Variants in TENM3 observed in about 807,000 individuals in gnomAD.
TENM3 encodes the protein teneurin transmembrane protein 3, also known as teneurin-3.
A neutral mutation model predicts 255.1 loss-of-function variants in TENM3; 63 were observed. The ratio of observed to expected loss-of-function variants is 0.25; its 90% CI spans 0.20 to 0.30. TENM3 has a LOEUF of 0.30. Among genes scored for constraint, TENM3 ranks in the 10% least tolerant of loss-of-function variants. The pLI, the probability that TENM3 is intolerant of heterozygous loss-of-function variation, is 1.00. For missense variants in TENM3, 2,929 were observed against 3,461.1 expected, an observed-to-expected ratio of 0.85 and a Z score of 3.86; for synonymous variants, 1,306 against 1,322.3, an observed-to-expected ratio of 0.99 and a Z score of 0.27.
At chr4:181,928,308 A>C in the TENM3 span, among the ~76,000 whole-genome samples, 4 of 152,012 alleles carry the variant, frequency 2.6e-5, no homozygotes, top group African/African-American at 9.7e-5. Context: ...AATGTTAACT[A>C]GAATAACCAG....
intron 3 of TENM3, among the ~76,000 whole-genome samples, chr4:182,471,680 GCTTTTA>G (rs1292987267): frequency 6.6e-6 from 1 of 151,668 alleles, no homozygotes; most frequent in African/African-American, 2.4e-5. Flanking sequence ...ATGTATAAAT[GCTTTTA>G]CTTATAAAGT....
chr4:182,767,631 C>T (rs371533492), intron 22 of TENM3, among the ~76,000 whole-genome samples: 8 of 152,016 alleles, frequency 5.3e-5, no homozygotes, highest in African/African-American at 1.5e-4. Flanking sequence ...ATATACACTA[C>T]GTATACTATA....
chr4:181,760,969 T>TACAC, the TENM3 span, among the ~76,000 whole-genome samples: 2,146 of 50,616 alleles, frequency 0.042, 59 homozygotes, highest in African/African-American at 0.14. Context: ...ACCACACACA[T>TACAC]ACACACACAC....
At chr4:182,342,691 G>T (rs1561343112) in intron 2 of TENM3, among the ~76,000 whole-genome samples, 1 of 152,220 alleles carries the variant, frequency 6.6e-6, no homozygotes, top group East Asian at 1.9e-4. Flanking sequence ...GACCAAGAGA[G>T]AAGGAGAGAA....
At chr4:182,417,237 T>C (rs1294136203) in intron 3 of TENM3, among the ~76,000 whole-genome samples, 3 of 151,882 alleles carry the variant, frequency 2.0e-5, no homozygotes, top group Admixed American at 6.6e-5. Flanking sequence ...CGGCCTCCCA[T>C]AGTGCTGGGA....
chr4:182,787,717 A>G (rs1765784792), intron 24 of TENM3, among the ~76,000 whole-genome samples: 1 of 145,898 alleles, frequency 6.9e-6, no homozygotes, highest in Non-Finnish European at 1.5e-5. Context: ...CCTGGGCGAC[A>G]AGGGCAAAAC....
chr4:182,714,244 C>T lies in TENM3; in HGVS notation c.2368+11C>T, dbSNP rs747105962. On this transcript the variant is annotated intron_variant, in intron 13 of 27. Coordinates refer to ENST00000511685, the MANE Select transcript of TENM3 (RefSeq NM_001080477.4). ...AGGACAATGAAGGAGGTAAGAAATA[C>T]TGAGCATGAACACGAGTCTGTGCCA... The T allele has an allele frequency of 2.6e-6, 4 of 1,563,760 alleles. No individual in the cohort carries two copies. The highest frequency in any genetic ancestry group is 3.5e-6 in the Non-Finnish European group (4 of 1,154,070).
the TENM3 span, among the ~76,000 whole-genome samples, chr4:182,043,585 A>G: frequency 6.6e-6 from 1 of 152,210 alleles, no homozygotes; most frequent in South Asian, 2.1e-4. Context: ...TACACTGTGA[A>G]AAACCTATCT....
At chr4:181,872,508 G>T in the TENM3 span, among the ~76,000 whole-genome samples, 1 of 151,744 alleles carries the variant, frequency 6.6e-6, no homozygotes, top group African/African-American at 2.4e-5. Flanking sequence ...AGTGTGTGTT[G>T]TTCCCCTCTA....
intron 13 of TENM3, among the ~76,000 whole-genome samples, chr4:182,724,118 T>A (rs774711892): frequency 2.8e-4 from 42 of 152,360 alleles, no homozygotes; most frequent in Middle Eastern, 3.4e-3. Context: ...GGCTCTTAAC[T>A]GATCACTGCA....
intron 1 of TENM3, among the ~76,000 whole-genome samples, chr4:182,148,112 A>C (rs1348313302): frequency 6.6e-6 from 1 of 152,140 alleles, no homozygotes; most frequent in Non-Finnish European, 1.5e-5. Flanking sequence ...ACCAAGCATG[A>C]CCATTATGAA....
chr4:181,813,135 G>T, the TENM3 span, among the ~76,000 whole-genome samples: 5 of 152,178 alleles, frequency 3.3e-5, no homozygotes, highest in Admixed American at 1.3e-4. Context: ...AACTGGTGAG[G>T]CCCTGCTTCC....
chr4:182,412,855 A>C, intron 3 of TENM3, among the ~76,000 whole-genome samples: 1 of 150,306 alleles, frequency 6.7e-6, no homozygotes. Flanking sequence ...ACAGAGTGAG[A>C]CTCTGTCTCA....
At chr4:182,216,434 G>T (rs1365326474) in intron 1 of TENM3, among the ~76,000 whole-genome samples, 2 of 152,140 alleles carry the variant, frequency 1.3e-5, no homozygotes, top group Non-Finnish European at 2.9e-5. Flanking sequence ...TTCCTGGTAT[G>T]ATGTGCCATC....
the TENM3 span, among the ~76,000 whole-genome samples, chr4:181,480,876 T>C: frequency 6.6e-6 from 1 of 150,624 alleles, no homozygotes; most frequent in East Asian, 1.9e-4. Flanking sequence ...GTCATTCACT[T>C]ATATATGAAT....
At chr4:181,650,843 A>T in the TENM3 span, among the ~76,000 whole-genome samples, 1 of 152,242 alleles carries the variant, frequency 6.6e-6, no homozygotes, top group Non-Finnish European at 1.5e-5. Flanking sequence ...AGTATTTGGA[A>T]AGTGAAAGAA....
the TENM3 span, among the ~76,000 whole-genome samples, chr4:181,462,511 T>A: frequency 6.6e-6 from 1 of 152,202 alleles, no homozygotes; most frequent in Admixed American, 6.5e-5. Context: ...CTCTCAAGGA[T>A]CAGAATCCTA....
At chr4:182,175,718 G>T (rs1752442146) in intron 1 of TENM3, among the ~76,000 whole-genome samples, 2 of 152,176 alleles carry the variant, frequency 1.3e-5, no homozygotes, top group Admixed American at 6.5e-5. Context: ...GTCTTCATGA[G>T]GGCAGTGTAG....
intron 5 of TENM3, among the ~76,000 whole-genome samples, chr4:182,648,420 A>G (rs985394414): frequency 6.6e-6 from 1 of 151,614 alleles, no homozygotes; most frequent in Non-Finnish European, 1.5e-5. Context: ...AATAACTGGG[A>G]TTACAGGCGC....
Sources: gnomAD v4.1 joint callset for allele counts (sites outside exome capture counted in the v4.1 genomes callset) on GRCh38, gnomAD v4.1.1 for gene constraint, MANE v1.5 for transcripts, NCBI Gene and HGNC (gene_info 2026-07-23, HGNC 2026-07-21) for gene names.